PDE8A: variants seen among roughly 807,000 people sequenced by gnomAD.
PDE8A encodes the protein phosphodiesterase 8A, also known as high affinity cAMP-specific and IBMX-insensitive 3',5'-cyclic phosphodiesterase 8A.
PDE8A carries 59 observed loss-of-function variants against 105.0 expected under a neutral mutation model. The observed-to-expected ratio is 0.56, with a 90% CI of 0.46 to 0.70. PDE8A has a LOEUF of 0.70. Ranked by LOEUF, PDE8A falls within the 30% of genes least tolerant of loss-of-function variation. PDE8A has a pLI of 0.00. For missense variants in PDE8A, 1,014 were observed against 1,045.9 expected (o/e 0.97, Z 0.42); for synonymous variants, 355 against 371.9 (o/e 0.95, Z 0.52).
intron 1 of PDE8A, among the ~76,000 whole-genome samples, chr15:85,021,122 G>A (rs866446723): frequency 1.1e-4 from 16 of 152,208 alleles, no homozygotes; most frequent in African/African-American, 2.9e-4. Context: ...GAAGATTGAG[G>A]GAGCTTGTTC....
chr15:85,079,991 G>A (rs190643065), intron 5 of PDE8A, among the ~76,000 whole-genome samples: 28 of 152,056 alleles, frequency 1.8e-4, no homozygotes, highest in African/African-American at 6.5e-4. Flanking sequence ...CTGTTAGATT[G>A]GGTTGAAAAA....
intron 5 of PDE8A, among the ~76,000 whole-genome samples, chr15:85,082,507 C>T (rs1247697376): frequency 6.6e-6 from 1 of 152,208 alleles, no homozygotes. Flanking sequence ...TTTTAAGGCA[C>T]GAACCAAGGG....
chr15:85,028,445 C>T (rs981038740), intron 1 of PDE8A, among the ~76,000 whole-genome samples: 1 of 152,016 alleles, frequency 6.6e-6, no homozygotes, highest in Non-Finnish European at 1.5e-5. Flanking sequence ...GAGCTCCTGG[C>T]CTCAAGTGAT....
intron 1 of PDE8A, among the ~76,000 whole-genome samples, chr15:85,005,186 C>T (rs1279004245): frequency 1.3e-5 from 2 of 152,074 alleles, no homozygotes; most frequent in Non-Finnish European, 2.9e-5. Context: ...AGTATAGTGG[C>T]ATGATCACAG....
At chr15:85,003,508 G>A (rs2080098564) in intron 1 of PDE8A, among the ~76,000 whole-genome samples, 1 of 152,178 alleles carries the variant, frequency 6.6e-6, no homozygotes, top group Admixed American at 6.5e-5. Context: ...CTCAGAGGAG[G>A]TGAGGGTACT....
rs57454748 is a variant in PDE8A, at chr15:85,024,547, CT to C, written c.187-39812del. Reference sequence around the variant, plus strand: ...CAGTCAGTCTTTCATCTTGCTTAGGCTTTTTTTTTTTCTTTTCACCCTCTAT... The same window carrying C: ...CAGTCAGTCTTTCATCTTGCTTAGGCTTTTTTTTTTCTTTTCACCCTCTAT... On this transcript the variant is annotated intron_variant, in intron 1 of 21. Coordinates refer to ENST00000394553, the MANE Select transcript of PDE8A (RefSeq NM_002605.3). 4.4e-3 allele frequency among the ~76,000 whole-genome samples: 647 copies of C among 145,836 alleles called. 2 individuals carry two copies. Among genetic ancestry groups the C allele is most frequent in the Non-Finnish European group, 5.9e-3 (389 of 65,988 alleles).
At chr15:84,994,755 T>G (rs1169014291) in intron 1 of PDE8A, among the ~76,000 whole-genome samples, 3 of 152,104 alleles carry the variant, frequency 2.0e-5, no homozygotes, top group Non-Finnish European at 4.4e-5. Context: ...TCACCTGAGG[T>G]CAGGAGTTCA....
chr15:85,039,612 C>T (rs2080767898), intron 1 of PDE8A, among the ~76,000 whole-genome samples: 2 of 151,840 alleles, frequency 1.3e-5, no homozygotes, highest in African/African-American at 4.8e-5. Flanking sequence ...GAGTGTATAT[C>T]CAAAGGAATT....
At chr15:84,991,231 G>C (rs1394446988) in intron 1 of PDE8A, among the ~76,000 whole-genome samples, 1 of 152,156 alleles carries the variant, frequency 6.6e-6, no homozygotes, top group Non-Finnish European at 1.5e-5. Context: ...ACTGGAAGAA[G>C]ACATTTGCAA....
intron 21 of PDE8A, among the ~76,000 whole-genome samples, chr15:85,137,170 G>C (rs1452378605): frequency 6.6e-6 from 1 of 152,296 alleles, no homozygotes; most frequent in Non-Finnish European, 1.5e-5. Context: ...TGAAGGAGGG[G>C]CTACAGGGCT....
intron 3 of PDE8A, among the ~76,000 whole-genome samples, chr15:85,070,265 C>T (rs879430007): frequency 3.3e-5 from 5 of 152,182 alleles, no homozygotes; most frequent in Non-Finnish European, 7.3e-5. Context: ...TTATGAGATG[C>T]CTTGCTAACA....
At chr15:84,993,707 C>G (rs1370352370) in intron 1 of PDE8A, among the ~76,000 whole-genome samples, 5 of 151,200 alleles carry the variant, frequency 3.3e-5, no homozygotes, top group Non-Finnish European at 7.4e-5. Flanking sequence ...TAGTAAGACC[C>G]CCATTCTCTA....
intron 6 of PDE8A, among the ~76,000 whole-genome samples, chr15:85,084,057 GTTT>G (rs370489408): frequency 6.9e-6 from 1 of 145,688 alleles, no homozygotes; most frequent in Admixed American, 6.9e-5. Flanking sequence ...GGGTTTTTTG[GTTT>G]TTTTTTTTAA....
chr15:85,014,025 T>C (rs2080282394), intron 1 of PDE8A, among the ~76,000 whole-genome samples: 1 of 152,344 alleles, frequency 6.6e-6, no homozygotes, highest in East Asian at 1.9e-4. Flanking sequence ...GACTACATAT[T>C]GTCAGTTCCA....
At chr15:85,021,646 T>A (rs770713821) in intron 1 of PDE8A, among the ~76,000 whole-genome samples, 18 of 152,226 alleles carry the variant, frequency 1.2e-4, no homozygotes, top group Non-Finnish European at 1.9e-4. Flanking sequence ...AAAATACTGT[T>A]ACTTTCTGAT....
chr15:85,046,026 C>G (rs1223123954), intron 1 of PDE8A, among the ~76,000 whole-genome samples: 1 of 150,996 alleles, frequency 6.6e-6, no homozygotes, highest in Admixed American at 6.6e-5. Flanking sequence ...TTTGTAGTTC[C>G]TAGGACTTAG....
chr15:85,118,059 G>C (rs1191579909), intron 17 of PDE8A, among the ~76,000 whole-genome samples: 1 of 152,182 alleles, frequency 6.6e-6, no homozygotes, highest in Non-Finnish European at 1.5e-5. Flanking sequence ...GGGTACAAGA[G>C]GCAGAATTTG....
At chr15:85,123,337 T>TATACAC in intron 19 of PDE8A, 144 bp downstream of exon 19, 1 of 327,824 alleles carries the variant, frequency 3.1e-6, no homozygotes, top group Admixed American at 3.9e-5. Context: ...ACTAATGGGA[T>TATACAC]ACACACACAC....
intron 8 of PDE8A, among the ~76,000 whole-genome samples, chr15:85,092,905 C>T (rs1055593244): frequency 2.9e-5 from 4 of 139,604 alleles, no homozygotes; most frequent in African/African-American, 1.1e-4. Context: ...AATTATTGAC[C>T]CCTATACTGC....
Sources: allele counts gnomAD v4.1 joint callset (sites outside exome capture counted in the v4.1 genomes callset), GRCh38; gene constraint gnomAD v4.1.1; transcripts MANE v1.5; gene names NCBI Gene and HGNC (gene_info 2026-07-23, HGNC 2026-07-21).